The following ANO6 variants were observed in gnomAD, a reference collection of about 807,000 sequenced individuals.
The protein encoded by ANO6 is anoctamin 6, also known as anoctamin-6.
A neutral mutation model predicts 117.5 loss-of-function variants in ANO6; 106 were observed. The observed-to-expected ratio is 0.90, with a 90% CI of 0.77 to 1.06. ANO6 has a LOEUF of 1.06. Ranked by LOEUF, ANO6 falls within the 50% of genes least tolerant of loss-of-function variation. ANO6 has a pLI of 0.00. For missense variants in ANO6, 955 were observed against 1,121.1 expected (o/e 0.85, Z 2.12); for synonymous variants, 367 against 385.1 (o/e 0.95, Z 0.55).
intron 17 of ANO6, among the ~76,000 whole-genome samples, chr12:45,419,524 G>C (rs923670767): frequency 6.6e-6 from 1 of 152,142 alleles, no homozygotes. Context: ...TGACAAAGCT[G>C]GTTCTAGTGA....
At chr12:45,228,546 G>A (rs1230461332) in intron 1 of ANO6, among the ~76,000 whole-genome samples, 2 of 152,068 alleles carry the variant, frequency 1.3e-5, no homozygotes, top group African/African-American at 2.4e-5. Flanking sequence ...ATTACAGTTC[G>A]AGTCTTTAGA....
chr12:45,276,190 A>G (rs1354533587), intron 1 of ANO6, among the ~76,000 whole-genome samples: 1 of 151,996 alleles, frequency 6.6e-6, no homozygotes, highest in Non-Finnish European at 1.5e-5. Flanking sequence ...TCCCCCCAGT[A>G]CTTCTACCTT....
In ANO6 at chr12:45,429,099, C is replaced by T. The variant is rs1367525026; in HGVS notation, c.2527-6C>T. On this transcript the variant is annotated splice_polypyrimidine_tract_variant and splice_region_variant and intron_variant, in intron 19 of 19. Coordinates refer to ENST00000320560, the MANE Select transcript of ANO6 (RefSeq NM_001025356.3). The stretch of plus-strand genomic sequence containing the variant: ...TGAGTGACATTTTTCTTCTTCTCTT[C>T]CCCAGCACGTCATCTACTCTGTGAA... The T allele has an allele frequency of 1.9e-6, 3 of 1,612,752 alleles. No individual in the cohort carries two copies. The African/African-American group carries it at 4.0e-5, about 22-fold the overall frequency.
chr12:45,239,526 T>C (rs1394206267), intron 1 of ANO6, among the ~76,000 whole-genome samples: 1 of 148,896 alleles, frequency 6.7e-6, no homozygotes, highest in African/African-American at 2.6e-5. Flanking sequence ...TTTTGAAGGG[T>C]TTTTTGTGTT....
Position 45,216,339 on chromosome 12 carries a change from G to A in ANO6, c.18G>A (p.Arg6=), listed in dbSNP as rs1292255504. ...AGGGAGACATGAAAAAGATGAGCAG[G>A]AATGTTTTGCTACAAATGGAGGAGG... MKKMS[R]NVLLQMEEEE... Residue 6 remains arginine, a synonymous_variant, in exon 1 of 20, where the codon AGG becomes AGA. Transcript: ENST00000320560. The A allele has an allele frequency of 3.7e-6, 6 of 1,612,788 alleles. No homozygotes were observed. In the South Asian group the frequency reaches 6.6e-5, roughly 18 times the overall value.
At chr12:45,293,005 T>A in intron 1 of ANO6, 2 of 1,537,914 alleles carry the variant, frequency 1.3e-6, no homozygotes, top group South Asian at 2.4e-5. Context: ...GGAGGCTCCT[T>A]TTTTATAAAT....
At chr12:45,307,276 C>T (rs1051231485) in intron 2 of ANO6, among the ~76,000 whole-genome samples, 2 of 152,062 alleles carry the variant, frequency 1.3e-5, no homozygotes, top group Admixed American at 6.6e-5. Context: ...ATTAGACTTT[C>T]TCAGGAATCC....
At chr12:45,233,369 T>C (rs1396848301) in intron 1 of ANO6, among the ~76,000 whole-genome samples, 2 of 152,134 alleles carry the variant, frequency 1.3e-5, no homozygotes, top group African/African-American at 4.8e-5. Flanking sequence ...GGGCAAAAAA[T>C]AAAGGGTTGC....
chr12:45,218,801 G>A (rs546079610), intron 1 of ANO6, among the ~76,000 whole-genome samples: 1 of 152,250 alleles, frequency 6.6e-6, no homozygotes, highest in East Asian at 1.9e-4. Flanking sequence ...TGCAATGCAC[G>A]TCTGTATTTA....
chr12:45,226,906 A>G (rs1194123420), intron 1 of ANO6, among the ~76,000 whole-genome samples: 9 of 151,540 alleles, frequency 5.9e-5, no homozygotes, highest in Admixed American at 5.9e-4. Context: ...TCTTCCTATT[A>G]AACAAGCTGT....
chr12:45,340,571 A>G (rs1030360308), intron 3 of ANO6, among the ~76,000 whole-genome samples: 16 of 152,224 alleles, frequency 1.1e-4, no homozygotes, highest in Admixed American at 4.6e-4. Flanking sequence ...AAGATCATAG[A>G]CTATCAGTTT....
chr12:45,294,949 T>G (rs1275172268), intron 1 of ANO6, among the ~76,000 whole-genome samples: 2 of 152,198 alleles, frequency 1.3e-5, no homozygotes, highest in Non-Finnish European at 2.9e-5. Context: ...ATATAGTACT[T>G]AAGAGTCTTC....
rs139670931 is a variant in ANO6, at chr12:45,247,730, T to C, written c.70+31339T>C. On this transcript the variant is annotated intron_variant, in intron 1 of 19. Coordinates refer to ENST00000320560, the MANE Select transcript of ANO6 (RefSeq NM_001025356.3). ...GTTTCCACATGATGGAGAGAGAGAC[T>C]GTGTGCATGACTGTGTGAACTCCCC... Among the ~76,000 whole-genome samples, 5 of 152,304 alleles carry C rather than the reference T, an allele frequency of 3.3e-5. No homozygotes were observed. The East Asian group carries it at 9.7e-4, about 29-fold the overall frequency.
At chr12:45,416,585 A>G in intron 16 of ANO6, 114 bp from the exon 17 acceptor site, 2 of 876,688 alleles carry the variant, frequency 2.3e-6, no homozygotes, top group Non-Finnish European at 1.9e-6. Context: ...TTTACCACAG[A>G]TGTGTTTTCT....
At chr12:45,271,673 C>G (rs1367838447) in intron 1 of ANO6, among the ~76,000 whole-genome samples, 1 of 152,184 alleles carries the variant, frequency 6.6e-6, no homozygotes. Context: ...TACATTTACC[C>G]TTGTAGCTGT....
Position 45,409,416 on chromosome 12 carries a change from C to G in ANO6, c.1940C>G (p.Pro647Arg). ...GTTTCTGGATCAGAAAAGATAACCC[C>G]ACGATGGGAACAGGACTACCATCTG... ...HRVSGSEKIT[P>R]RWEQDYHLQP... The change falls in exon 16 of 20, where the codon CCA becomes CGA. Residue 647 changes from proline to arginine, a missense_variant. Pro to Arg is a moderately radical substitution (Grantham distance 103). Transcript: ENST00000320560. The G allele has an allele frequency of 1.2e-6, 2 of 1,614,018 alleles. No homozygotes were observed. The highest frequency in any genetic ancestry group is 1.7e-6 in the Non-Finnish European group (2 of 1,179,924).
intron 11 of ANO6, 138 bp downstream of exon 11, chr12:45,388,441 G>A (rs1942358628): frequency 2.7e-6 from 3 of 1,116,426 alleles, no homozygotes; most frequent in Non-Finnish European, 1.3e-6. Flanking sequence ...CTGGTACTTA[G>A]TAACCTGGGG....
intron 1 of ANO6, among the ~76,000 whole-genome samples, chr12:45,239,252 T>G (rs1026160965): frequency 3.9e-5 from 6 of 152,148 alleles, no homozygotes; most frequent in Non-Finnish European, 8.8e-5. Context: ...TTCAACTTAT[T>G]CCTGGTTTAG....
chr12:45,220,609 T>A (rs1947381304), intron 1 of ANO6, among the ~76,000 whole-genome samples: 1 of 152,214 alleles, frequency 6.6e-6, no homozygotes, highest in Non-Finnish European at 1.5e-5. Flanking sequence ...GGAGAAAAGT[T>A]CCTTAGAACC....
Sources: allele counts gnomAD v4.1 joint callset (sites outside exome capture counted in the v4.1 genomes callset), GRCh38; gene constraint gnomAD v4.1.1; transcripts MANE v1.5; gene names NCBI Gene and HGNC (gene_info 2026-07-23, HGNC 2026-07-21).